The following DLGAP5 variants were observed in gnomAD, a reference collection of about 807,000 sequenced individuals.
DLGAP5 encodes disks large-associated protein 5.
DLGAP5 carries 90 observed loss-of-function variants against 99.6 expected under a neutral mutation model. The ratio of observed to expected loss-of-function variants is 0.90; its 90% confidence interval spans 0.76 to 1.08. The LOEUF (loss-of-function observed/expected upper bound fraction) is 1.08. Ranked by LOEUF, DLGAP5 falls within the 50% of genes least tolerant of loss-of-function variation. The probability of loss-of-function intolerance (pLI) is 0.00; values close to 1 mark genes in which losing one functional copy is unlikely to be tolerated. For synonymous variants in DLGAP5, 311 were observed against 321.3 expected (o/e 0.97, Z 0.34); for missense variants, 1,036 against 983.5 (o/e 1.05, Z -0.71).
chr14:55,164,921 C>CAA (rs764017142), intron 12 of DLGAP5, among the ~76,000 whole-genome samples: 18 of 39,192 alleles, frequency 4.6e-4, no homozygotes, highest in South Asian at 7.2e-4. Context: ...GACTCTGTCT[C>CAA]AAAAAAAAAA....
chr14:55,182,363 A>G lies in DLGAP5; in HGVS notation c.495+7T>C. 6.2e-7 allele frequency: 1 copy of G among 1,606,948 alleles called. No homozygotes were observed. Among genetic ancestry groups the G allele is most frequent in the Non-Finnish European group, 8.5e-7 (1 of 1,177,060 alleles). On this transcript the variant is annotated splice_region_variant and intron_variant, in intron 4 of 18. Transcript: ENST00000247191. ...TTTTAGTAACAATTATCTACTATCA[A>G]CTATACCTTAGTCTGCTCCATTTGG...
chr14:55,151,018 A>C (rs879753299), intron 17 of DLGAP5, among the ~76,000 whole-genome samples, 170 bp from the exon 18 acceptor site: 1 of 152,248 alleles, frequency 6.6e-6, no homozygotes, highest in African/African-American at 2.4e-5. Flanking sequence ...TCTTATCCTT[A>C]ACTTTGGTAT....
chr14:55,153,259 T>C (rs1355315428), intron 15 of DLGAP5, among the ~76,000 whole-genome samples: 1 of 152,128 alleles, frequency 6.6e-6, no homozygotes, highest in East Asian at 1.9e-4. Context: ...AATATCTGTT[T>C]TGGCCAGGCG....
At chr14:55,156,276 C>T (rs1342812513) in intron 14 of DLGAP5, among the ~76,000 whole-genome samples, 1 of 152,120 alleles carries the variant, frequency 6.6e-6, no homozygotes, top group Non-Finnish European at 1.5e-5. Context: ...CACAGCAAAG[C>T]AACTGTCATC....
At chr14:55,165,029 G>T (rs1275444022) in intron 12 of DLGAP5, among the ~76,000 whole-genome samples, 2 of 150,878 alleles carry the variant, frequency 1.3e-5, no homozygotes, top group African/African-American at 4.9e-5. Flanking sequence ...CAAACTCAAA[G>T]AATATTTGCA....
In DLGAP5 at chr14:55,180,591, C is replaced by T. The variant is rs1022704680; in HGVS notation, c.703+65G>A. The T allele has an allele frequency of 1.9e-5, 30 of 1,588,802 alleles. 1 individual carries two copies. The highest frequency in any genetic ancestry group is 1.5e-4 in the African/African-American group (11 of 73,868). On this transcript the variant is annotated intron_variant, in intron 6 of 18. Coordinates refer to ENST00000247191, the MANE Select transcript of DLGAP5 (RefSeq NM_014750.5). ...AAGAAGTACTTGTTGATTTTTGAAA[C>T]GGAACACAAAAACCTCAAGGACCAA...
intron 1 of DLGAP5, among the ~76,000 whole-genome samples, chr14:55,190,162 G>A (rs1883560925): frequency 1.3e-5 from 2 of 152,128 alleles, no homozygotes; most frequent in South Asian, 4.1e-4. Flanking sequence ...GGCCGGCACG[G>A]TGGCTTAGGC....
chr14:55,165,923 C>T (rs1021241059), intron 12 of DLGAP5, among the ~76,000 whole-genome samples: 15 of 152,070 alleles, frequency 9.9e-5, no homozygotes, highest in African/African-American at 3.4e-4. Context: ...GTGAGGATGT[C>T]GAAAAACAGA....
At chr14:55,170,843 G>A in intron 10 of DLGAP5, 56 bp from the exon 11 acceptor site, 2 of 1,253,786 alleles carry the variant, frequency 1.6e-6, no homozygotes, top group Admixed American at 3.4e-5. Context: ...TAGTAGCTAA[G>A]TATTAGCATA....
chr14:55,184,463 G>A (rs1041112029), intron 2 of DLGAP5, among the ~76,000 whole-genome samples: 8 of 152,098 alleles, frequency 5.3e-5, no homozygotes, highest in African/African-American at 1.9e-4. Context: ...TAATTAACTT[G>A]TATGATAGCC....
In DLGAP5 at chr14:55,170,755, G is replaced by A. The variant is rs80168189; in HGVS notation, c.1334C>T (p.Thr445Ile). 2.5e-6 allele frequency: 4 copies of A among 1,613,654 alleles called. No homozygotes were observed. The highest frequency in any genetic ancestry group is 3.4e-6 in the Non-Finnish European group (4 of 1,179,700). ...NILQSETEKL[T>I]SHCFEWDRKL... ...CCTGTCCCACTCGAAGCAATGTGAA[G>A]TTAATTTCTCAGTTTCTGACTGGAG... Residue 445 changes from threonine to isoleucine, a missense_variant, in exon 11 of 19, where the codon ACT becomes ATT. By Grantham distance (89) the Thr-to-Ile change is moderately conservative. Coordinates refer to ENST00000247191, the MANE Select transcript of DLGAP5 (RefSeq NM_014750.5).
chr14:55,185,903 G>T (rs1442991724), intron 2 of DLGAP5, among the ~76,000 whole-genome samples: 2 of 152,146 alleles, frequency 1.3e-5, no homozygotes, highest in Non-Finnish European at 2.9e-5. Flanking sequence ...TGAACATTTT[G>T]CTGCAGTTGT....
At chr14:55,176,078 G>C in intron 8 of DLGAP5, 60 bp from the exon 9 acceptor site, 1 of 1,432,384 alleles carries the variant, frequency 7.0e-7, no homozygotes, top group Non-Finnish European at 9.3e-7. Flanking sequence ...CTAATATAAA[G>C]GGTTTCAAAA....
At chr14:55,170,543 C>T (rs1882821345) in intron 11 of DLGAP5, among the ~76,000 whole-genome samples, 159 bp downstream of exon 11, 1 of 151,910 alleles carries the variant, frequency 6.6e-6, no homozygotes. Flanking sequence ...AAAACACTTG[C>T]TACTTTATTG....
At chr14:55,161,830 C>G (rs1307180380) in intron 13 of DLGAP5, among the ~76,000 whole-genome samples, 6 of 132,488 alleles carry the variant, frequency 4.5e-5, no homozygotes, top group African/African-American at 1.7e-4. Flanking sequence ...ACCAAGGTCA[C>G]GCCACTGCAC....
rs1276875549 is a variant in DLGAP5 at position 55,181,212 on chromosome 14, C to A, written c.580+1G>T. The A allele has an allele frequency of 6.2e-7, 1 of 1,613,302 alleles. No individual in the cohort carries two copies. The highest frequency in any genetic ancestry group is 1.1e-5 in the South Asian group (1 of 90,934). On this transcript the variant is annotated splice_donor_variant, in intron 5 of 18. Transcript: ENST00000247191. LOFTEE classifies it high-confidence loss of function. ...TTTATAGTAATTGCTAATATTCCTA[C>A]CTTTTTTCTCTTTGTCTGACACTTT...
chr14:55,175,791 T>C, intron 9 of DLGAP5, 103 bp downstream of exon 9: 1 of 1,035,154 alleles, frequency 9.7e-7, no homozygotes, highest in Non-Finnish European at 1.3e-6. Flanking sequence ...ATCTGACAAG[T>C]AATAATCCAG....
At chr14:55,163,544 C>T (rs1055667280) in intron 12 of DLGAP5, among the ~76,000 whole-genome samples, 6 of 152,146 alleles carry the variant, frequency 3.9e-5, no homozygotes, top group Non-Finnish European at 5.9e-5. Flanking sequence ...TCATTTGGAG[C>T]GCAATTGCTA....
chr14:55,188,121 T>A lies in DLGAP5; in HGVS notation c.238+821A>T, dbSNP rs187321933. Among the ~76,000 whole-genome samples, 4 of 152,296 alleles carry A rather than the reference T, an allele frequency of 2.6e-5. No homozygotes were observed. In the East Asian group the frequency reaches 5.8e-4, roughly 22 times the overall value. On this transcript the variant is annotated intron_variant, in intron 2 of 18. Transcript: ENST00000247191. ...ACCACCCTTTCTCAGATAAAAAATGTTTGGTTCTTTCTGCCATTCCCTATT... is the reference window on the plus strand; with the variant it reads ...ACCACCCTTTCTCAGATAAAAAATGATTGGTTCTTTCTGCCATTCCCTATT...
Sources: allele counts gnomAD v4.1 joint callset (sites outside exome capture counted in the v4.1 genomes callset), GRCh38; gene constraint gnomAD v4.1.1; transcripts MANE v1.5; gene names NCBI Gene and HGNC (gene_info 2026-07-23, HGNC 2026-07-21).